Variants in NBEA observed in about 807,000 individuals in gnomAD.
NBEA encodes the protein neurobeachin, also known as lysosomal-trafficking regulator 2.
Under a neutral mutation model 343.4 loss-of-function variants are expected in NBEA, and 44 were observed. That is an observed-to-expected ratio of 0.13 (90% confidence interval 0.10 to 0.16). The LOEUF (loss-of-function observed/expected upper bound fraction) is 0.16. Among genes scored for constraint, NBEA ranks in the 10% least tolerant of loss-of-function variants. NBEA has a pLI of 1.00. For missense variants in NBEA, 2,555 were observed against 3,631.3 expected (o/e 0.70, Z 7.62); for synonymous variants, 1,175 against 1,238.7 (o/e 0.95, Z 1.08).
Position 35,461,763 on chromosome 13 carries a change from G to A in NBEA, c.6448+9528G>A, listed in dbSNP as rs138318958. On this transcript the variant is annotated intron_variant, in intron 40 of 58. Coordinates refer to ENST00000379939, the MANE Select transcript of NBEA (RefSeq NM_001385012.1). ...GTTAAAAAGAGATTTTGCCACTACA[G>A]TTAGAATAGTGCTATACAGAAGGAT... Among the ~76,000 whole-genome samples, 1,003 of 152,266 alleles carry A rather than the reference G, an allele frequency of 6.6e-3. 10 individuals are homozygous for A. The highest frequency in any genetic ancestry group is 0.023 in the African/African-American group (962 of 41,548).
chr13:35,193,609 A>C (rs1325295186), intron 30 of NBEA, among the ~76,000 whole-genome samples: 1 of 151,908 alleles, frequency 6.6e-6, no homozygotes, highest in East Asian at 1.9e-4. Context: ...ATGCCAAACT[A>C]TTGTCTTTAC....
chr13:35,294,573 G>A (rs1566578574), intron 35 of NBEA, among the ~76,000 whole-genome samples: 1 of 152,032 alleles, frequency 6.6e-6, no homozygotes, highest in Non-Finnish European at 1.5e-5. Context: ...ATTTAATTTG[G>A]TAGTTATTTA....
intron 36 of NBEA, among the ~76,000 whole-genome samples, chr13:35,333,887 A>G (rs2039082149): frequency 6.6e-6 from 1 of 152,046 alleles, no homozygotes; most frequent in South Asian, 2.1e-4. Context: ...ATTCTTTTTT[A>G]TGGCTGAATA....
intron 34 of NBEA, among the ~76,000 whole-genome samples, chr13:35,244,456 C>T (rs1423921951): frequency 6.6e-6 from 1 of 152,004 alleles, no homozygotes; most frequent in Non-Finnish European, 1.5e-5. Flanking sequence ...GTTCTCTATT[C>T]TGTTCCATTG....
At chr13:34,953,086 CAT>C (rs2059395546) in intron 1 of NBEA, among the ~76,000 whole-genome samples, 1 of 152,166 alleles carries the variant, frequency 6.6e-6, no homozygotes, top group Non-Finnish European at 1.5e-5. Flanking sequence ...AGAATCTTTA[CAT>C]GTCAGGCACT....
chr13:35,040,108 G>A (rs190001207), intron 1 of NBEA, among the ~76,000 whole-genome samples: 72 of 151,994 alleles, frequency 4.7e-4, no homozygotes, highest in African/African-American at 1.6e-3. Flanking sequence ...AAATCTTATC[G>A]TTCTTTAGAC....
At chr13:35,093,537 G>T (rs146541210) in intron 10 of NBEA, among the ~76,000 whole-genome samples, 83 of 152,086 alleles carry the variant, frequency 5.5e-4, no homozygotes, top group Non-Finnish European at 1.0e-3. Context: ...GGGCTTGGGT[G>T]AAAGTGGAGC....
intron 34 of NBEA, among the ~76,000 whole-genome samples, chr13:35,260,442 A>T (rs1377891148): frequency 6.6e-6 from 1 of 152,210 alleles, no homozygotes; most frequent in Non-Finnish European, 1.5e-5. Flanking sequence ...ATAACTGTGA[A>T]CCATGAGAGA....
In NBEA at chr13:35,667,416, G is replaced by C; in HGVS notation, c.8507G>C (p.Arg2836Thr). ...LVHTITGDLL[R>T]ALEGPENCLF... ...CACACCATCACTGGAGATTTGCTGAGAGCCCTTGAAGGACCAGAAAACTGC... is the reference window on the plus strand; with the variant it reads ...CACACCATCACTGGAGATTTGCTGACAGCCCTTGAAGGACCAGAAAACTGC... Residue 2836 changes from arginine to threonine, a missense_variant, in exon 57 of 59, where the codon AGA (arginine) becomes ACA (threonine). Physicochemically the swap from Arg to Thr is moderately conservative, Grantham distance 71. Transcript: ENST00000379939. 6.2e-7 allele frequency: 1 copy of C among 1,613,984 alleles called. No individual in the cohort carries two copies.
At chr13:35,422,133 A>T (rs2044317860) in intron 38 of NBEA, among the ~76,000 whole-genome samples, 1 of 142,534 alleles carries the variant, frequency 7.0e-6, no homozygotes, top group Non-Finnish European at 1.5e-5. Flanking sequence ...TCACATGCAG[A>T]GCATCTTTTT....
At chr13:35,475,602 G>A (rs1465380807) in intron 41 of NBEA, 1 of 1,613,780 alleles carries the variant, frequency 6.2e-7, no homozygotes, top group African/African-American at 1.3e-5. Context: ...TCCTCGGCCA[G>A]ATCCCGGTGC....
chr13:35,318,666 A>C (rs752189405), intron 36 of NBEA, among the ~76,000 whole-genome samples: 2 of 152,194 alleles, frequency 1.3e-5, no homozygotes, highest in Non-Finnish European at 2.9e-5. Context: ...GAATAGTTTC[A>C]GAAGGAATGG....
intron 49 of NBEA, among the ~76,000 whole-genome samples, chr13:35,641,982 G>C (rs1452806426): frequency 3.3e-5 from 5 of 152,134 alleles, no homozygotes; most frequent in African/African-American, 1.2e-4. Flanking sequence ...ACCAAAATCA[G>C]TGATTTCTTA....
chr13:35,162,479 C>G (rs1302040097), intron 23 of NBEA, among the ~76,000 whole-genome samples: 1 of 152,070 alleles, frequency 6.6e-6, no homozygotes, highest in African/African-American at 2.4e-5. Flanking sequence ...TGCTTCAGCT[C>G]CCAACCTCAA....
In NBEA at chr13:35,159,535, G is replaced by A. The variant is rs1485336223; in HGVS notation, c.3364G>A (p.Glu1122Lys). 1 of 1,612,516 alleles carries A rather than the reference G, an allele frequency of 6.2e-7. No homozygotes were observed. Among genetic ancestry groups the A allele is most frequent in the Non-Finnish European group, 8.5e-7 (1 of 1,179,500 alleles). Residue 1122 changes from glutamate (E) to lysine (K), a missense_variant, in exon 22 of 59, where the codon GAA becomes AAA. Physicochemically the swap from Glu to Lys is moderately conservative, Grantham distance 56 (BLOSUM62 1). Coordinates refer to ENST00000379939, the MANE Select transcript of NBEA (RefSeq NM_001385012.1). ...HGSVGIIKKN[E>K]EKDNGPLITL... ...AAGTGTTGGTATCATTAAAAAAAATGAAGAAAAGGATAATGGTCCATTGAT... is the reference window on the plus strand; with the variant it reads ...AAGTGTTGGTATCATTAAAAAAAATAAAGAAAAGGATAATGGTCCATTGAT...
intron 45 of NBEA, among the ~76,000 whole-genome samples, chr13:35,580,304 C>T (rs916699640): frequency 6.6e-6 from 1 of 152,034 alleles, no homozygotes; most frequent in African/African-American, 2.4e-5. Flanking sequence ...TCCAAATGCC[C>T]ACTGTTTGAC....
chr13:35,615,004 A>T (rs1429863950), intron 48 of NBEA, among the ~76,000 whole-genome samples: 1 of 151,936 alleles, frequency 6.6e-6, no homozygotes, highest in Admixed American at 6.6e-5. Context: ...CTAGAACTTC[A>T]GGTGCATCAT....
At chr13:35,040,074 G>T (rs2062593828) in intron 1 of NBEA, among the ~76,000 whole-genome samples, 1 of 152,076 alleles carries the variant, frequency 6.6e-6, no homozygotes, top group Admixed American at 6.6e-5. Context: ...GTCAGACGTT[G>T]TATATGATTA....
At chr13:35,002,824 G>T (rs964886053) in intron 1 of NBEA, among the ~76,000 whole-genome samples, 1 of 152,140 alleles carries the variant, frequency 6.6e-6, no homozygotes, top group Admixed American at 6.6e-5. Context: ...GGTTGTAGAA[G>T]CACTTTCCCC....
Sources: gnomAD v4.1 joint callset for allele counts (sites outside exome capture counted in the v4.1 genomes callset) on GRCh38, gnomAD v4.1.1 for gene constraint, MANE v1.5 for transcripts, NCBI Gene and HGNC (gene_info 2026-07-23, HGNC 2026-07-21) for gene names.